Variants in PDE6A observed in about 807,000 individuals in gnomAD.
The protein encoded by PDE6A is phosphodiesterase 6A.
In PDE6A, 84 loss-of-function variants were observed where a neutral mutation model predicts 106.3. That is an observed-to-expected ratio of 0.79 (90% CI 0.66 to 0.95). PDE6A has a LOEUF of 0.95. Among genes scored for constraint, PDE6A ranks in the 40% least tolerant of loss-of-function variants. The pLI is 0.00. For synonymous variants in PDE6A, 394 were observed against 386.6 expected (o/e 1.02, Z -0.23); for missense variants, 1,052 against 1,084.9 (o/e 0.97, Z 0.43).
chr5:149,878,611 CTG>C (rs1760822767), intron 17 of PDE6A, among the ~76,000 whole-genome samples: 1 of 152,204 alleles, frequency 6.6e-6, no homozygotes, highest in Non-Finnish European at 1.5e-5. Context: ...TCTGCAAAGA[CTG>C]AGCCTGTTTA....
chr5:149,872,253 T>G (rs17655160), intron 17 of PDE6A, among the ~76,000 whole-genome samples: 4,968 of 152,304 alleles, frequency 0.033, 116 homozygotes, highest in Admixed American at 0.054. Flanking sequence ...GAGATATTCA[T>G]GTTAGGTTGG....
At chr5:149,921,555 T>TA in intron 5 of PDE6A, 80 bp downstream of exon 5, 3 of 1,135,100 alleles carry the variant, frequency 2.6e-6, no homozygotes, top group Non-Finnish European at 4.0e-6. Context: ...TATATGCTAA[T>TA]AAAAAATCCT....
Position 149,884,481 on chromosome 5 carries a change from G to T in PDE6A, c.2025C>A (p.Phe675Leu), listed in dbSNP as rs1163145669. The T allele has an allele frequency of 2.5e-6, 4 of 1,605,034 alleles. No homozygotes were observed. The highest frequency in any genetic ancestry group is 2.6e-6 in the Non-Finnish European group (3 of 1,171,984). The change falls in exon 16 of 22, where the codon TTC becomes TTA. Residue 675 changes from phenylalanine (F) to leucine (L), a missense_variant and splice_region_variant. By Grantham distance (22) the Phe-to-Leu change is conservative. Around this residue, in one of 3 missense-constraint regions of PDE6A, gnomAD observed 913 missense variants for 915.2 expected, o/e 1.00. Transcript: ENST00000255266. ...TTAGAATGAGAAGATATACCAACTTGAAATACAGGGCGAGGTCTGTGGCAA... is the reference window on the plus strand; with the variant it reads ...TTAGAATGAGAAGATATACCAACTTTAAATACAGGGCGAGGTCTGTGGCAA... Reference protein sequence around the residue: ...AIIATDLALYFKKRTMFQKIV... With the variant: ...AIIATDLALYLKKRTMFQKIV...
At chr5:149,911,041 G>A (rs1338007863) in intron 6 of PDE6A, among the ~76,000 whole-genome samples, 2 of 151,774 alleles carry the variant, frequency 1.3e-5, no homozygotes, top group African/African-American at 4.8e-5. Flanking sequence ...CACCATGCCT[G>A]GCTAATTTTT....
At chr5:149,894,814 A>G (rs2113580921) in intron 13 of PDE6A, among the ~76,000 whole-genome samples, 1 of 151,972 alleles carries the variant, frequency 6.6e-6, no homozygotes, top group East Asian at 1.9e-4. Flanking sequence ...TATTTTTAGT[A>G]GAGATGGGGT....
intron 1 of PDE6A, among the ~76,000 whole-genome samples, chr5:149,941,103 T>C (rs1389013290): frequency 3.3e-5 from 5 of 152,212 alleles, no homozygotes; most frequent in Admixed American, 3.3e-4. Context: ...ACAAACATTC[T>C]TCTGGGTGAG....
chr5:149,871,178 A>G (rs1275672832), intron 17 of PDE6A, among the ~76,000 whole-genome samples: 1 of 152,108 alleles, frequency 6.6e-6, no homozygotes, highest in Non-Finnish European at 1.5e-5. Flanking sequence ...ATGAGGTCGT[A>G]AGGTTGCAGC....
intron 6 of PDE6A, among the ~76,000 whole-genome samples, chr5:149,909,236 C>A (rs1753296426): frequency 6.6e-6 from 1 of 152,130 alleles, no homozygotes; most frequent in Admixed American, 6.5e-5. Context: ...ACCTGGCTCA[C>A]TGCAGCCTCA....
In PDE6A at chr5:149,903,658, A is replaced by G; in HGVS notation, c.1103T>C (p.Phe368Ser). ...NIMNAPAEDF[F>S]AFQKEPLDES... ...TAAAAAATGACTTACCTGAAATGCAAAAAAGTCCTCCGCAGGCGCATTCAT... is the reference window on the plus strand; with the variant it reads ...TAAAAAATGACTTACCTGAAATGCAGAAAAGTCCTCCGCAGGCGCATTCAT... Residue 368 changes from phenylalanine to serine, a missense_variant, in exon 8 of 22, where the codon TTT becomes TCT. Around this residue, in one of 3 missense-constraint regions of PDE6A, gnomAD observed 913 missense variants for 915.2 expected, o/e 1.00. Transcript: ENST00000255266. 1.2e-6 allele frequency: 2 copies of G among 1,613,736 alleles called. No homozygotes were observed. Among genetic ancestry groups the G allele is most frequent in the Non-Finnish European group, 8.5e-7 (1 of 1,179,640 alleles).
At chr5:149,900,249 C>A (rs897490993) in intron 8 of PDE6A, among the ~76,000 whole-genome samples, 1 of 151,484 alleles carries the variant, frequency 6.6e-6, no homozygotes, top group Non-Finnish European at 1.5e-5. Context: ...GTAATCCCAG[C>A]TACTCGGGAG....
At chr5:149,867,826 C>T (rs377694653) in intron 18 of PDE6A, 27 bp from the exon 19 acceptor site, 13 of 1,604,938 alleles carry the variant, frequency 8.1e-6, no homozygotes, top group African/African-American at 4.0e-5. Context: ...CTCACACACG[C>T]AGAGTCAGAG....
At position 149,860,360 on chromosome 5, in the gene PDE6A, T is replaced by C. The variant is rs1760090150; in HGVS notation, c.*535A>G. 1 of 152,418 alleles carries C rather than the reference T, an allele frequency of 6.6e-6. No individual in the cohort carries two copies. Among genetic ancestry groups the C allele is most frequent in the South Asian group, 2.1e-4 (1 of 4,838 alleles). 9.4% of individuals were successfully genotyped at this position (152,418 alleles called of 1,614,324 possible). A position where few individuals can be genotyped will look rare whatever the true frequency, so the allele number is the denominator to read the frequency against. Reference sequence around the variant, plus strand: ...TGAAAATGATTGAAAATTTTTACAATACATTAACTGAAAGTATAAGAACAA... The same window carrying C: ...TGAAAATGATTGAAAATTTTTACAACACATTAACTGAAAGTATAAGAACAA... On this transcript the variant is annotated 3_prime_UTR_variant, in exon 22 of 22. Transcript: ENST00000255266.
In PDE6A at chr5:149,876,065, A is replaced by G. The variant is rs566244813; in HGVS notation, c.2135+7364T>C. ...CGATTTTCATAATTACTTGCAATCA[A>G]TTATATCCATTTATTGAAATTATGT... On this transcript the variant is annotated intron_variant, in intron 17 of 21. Coordinates refer to ENST00000255266, the MANE Select transcript of PDE6A (RefSeq NM_000440.3). Among the ~76,000 whole-genome samples the G allele has an allele frequency of 1.8e-4, 28 of 152,282 alleles. No individual in the cohort carries two copies. The East Asian group carries it at 2.9e-3, about 16-fold the overall frequency.
At chr5:149,900,375 G>GTATCTATATA (rs1554089230) in intron 8 of PDE6A, among the ~76,000 whole-genome samples, 1 of 82,584 alleles carries the variant, frequency 1.2e-5, no homozygotes, top group Non-Finnish European at 2.4e-5. Context: ...AAATATATAT[G>GTATCTATATA]TATATATATA....
chr5:149,919,261 C>G (rs778918234), intron 5 of PDE6A, among the ~76,000 whole-genome samples: 3 of 152,126 alleles, frequency 2.0e-5, no homozygotes, highest in Admixed American at 1.3e-4. Context: ...AATCCTAGCA[C>G]TTTGGGAGGC....
chr5:149,902,248 A>G (rs894192126), intron 8 of PDE6A, among the ~76,000 whole-genome samples: 1 of 152,032 alleles, frequency 6.6e-6, no homozygotes, highest in African/African-American at 2.4e-5. Context: ...TTTTCCTGCA[A>G]TCTTCTCCCC....
intron 6 of PDE6A, among the ~76,000 whole-genome samples, chr5:149,909,403 A>G (rs1753303511): frequency 6.6e-6 from 1 of 152,230 alleles, no homozygotes; most frequent in Non-Finnish European, 1.5e-5. Flanking sequence ...CCTGAAGGTC[A>G]ATGCTTCTGT....
At chr5:149,896,824 C>T (rs775895224) in intron 10 of PDE6A, 48 bp from the exon 11 acceptor site, 5 of 1,594,972 alleles carry the variant, frequency 3.1e-6, no homozygotes, top group African/African-American at 2.7e-5. Context: ...TTACAACATG[C>T]CTCCGCGTTT....
chr5:149,899,462 G>T lies in PDE6A; in HGVS notation c.1176C>A (p.Asn392Lys). The change falls in exon 9 of 22, where the codon AAC becomes AAA. Residue 392 changes from asparagine (N) to lysine (K), a missense_variant. By Grantham distance (94) the Asn-to-Lys change is moderately conservative. Around this residue, in one of 3 missense-constraint regions of PDE6A, gnomAD observed 913 missense variants for 915.2 expected, o/e 1.00. Coordinates refer to ENST00000255266, the MANE Select transcript of PDE6A (RefSeq NM_000440.3). ...IKNVLSMPIV[N>K]KKEEIVGVAT... ...CCACTCCAACAATTTCTTCCTTCTT[G>T]TTCACAATCGGCATTGAAAGCACAT... 2 of 1,613,996 alleles carry T rather than the reference G, an allele frequency of 1.2e-6. No homozygotes were observed. Among genetic ancestry groups the T allele is most frequent in the Non-Finnish European group, 1.7e-6 (2 of 1,179,914 alleles).
Sources: gnomAD v4.1 joint callset for allele counts (sites outside exome capture counted in the v4.1 genomes callset) on GRCh38, gnomAD v4.1.1 for gene constraint, gnomAD v4.1.1 regional missense constraint, MANE v1.5 for transcripts, NCBI Gene and HGNC (gene_info 2026-07-23, HGNC 2026-07-21) for gene names.